Variants in LRP1 observed in about 807,000 individuals in gnomAD.
LRP1 encodes the protein LDL receptor related protein 1.
LRP1 carries 51 observed loss-of-function variants against 541.5 expected under a neutral mutation model. That is an observed-to-expected ratio of 0.09 (90% CI 0.08 to 0.12). The LOEUF (loss-of-function observed/expected upper bound fraction) is 0.12, where lower values mean the gene tolerates loss of function less well. LRP1 is among the 10% of genes least tolerant of loss of function. LRP1 has a pLI of 1.00. For missense variants in LRP1, 3,878 were observed against 6,376.2 expected, an observed-to-expected ratio of 0.61 and a Z score of 13.34; for synonymous variants, 2,219 against 2,470.8, an observed-to-expected ratio of 0.90 and a Z score of 3.02.
At chr12:57,143,542 T>C in intron 3 of LRP1, 137 bp from the exon 4 acceptor site, 1 of 1,070,610 alleles carries the variant, frequency 9.3e-7, no homozygotes, top group Non-Finnish European at 1.3e-6. Context: ...AGATGCTTCC[T>C]AAGGCCCTTC....
At chr12:57,174,361 C>T (rs982206190) in intron 22 of LRP1, among the ~76,000 whole-genome samples, 3 of 152,112 alleles carry the variant, frequency 2.0e-5, no homozygotes, top group Admixed American at 2.0e-4. Flanking sequence ...CAGAGAGATG[C>T]GGAGTGCTCT....
chr12:57,195,297 T>G lies in LRP1; in HGVS notation c.8335T>G (p.Phe2779Val). 2 of 1,613,966 alleles carry G rather than the reference T, an allele frequency of 1.2e-6. No individual in the cohort carries two copies. Among genetic ancestry groups the G allele is most frequent in the Non-Finnish European group, 1.7e-6 (2 of 1,180,014 alleles). ...CEGKTCGPSS[F>V]SCPGTHVCVP... ...AGGCAAGACGTGCGGCCCCTCCTCC[T>G]TCTCCTGCCCTGGCACCCACGTGTG... Residue 2779 changes from phenylalanine to valine, a missense_variant, in exon 52 of 89, where the codon TTC becomes GTC. Around this residue, in one of 13 missense-constraint regions of LRP1, gnomAD observed 1,100 missense variants for 1,827.4 expected, o/e 0.60. Coordinates refer to ENST00000243077, the MANE Select transcript of LRP1 (RefSeq NM_002332.3).
rs962642425 is a variant in LRP1 at position 57,189,188 on chromosome 12, G to A, written c.7032-1617G>A. Among the ~76,000 whole-genome samples, 3 of 152,182 alleles carry A rather than the reference G, an allele frequency of 2.0e-5. No homozygotes were observed. The highest frequency in any genetic ancestry group is 7.2e-5 in the African/African-American group (3 of 41,446). ...CCTCCTGCCCCATTCCTGGGAAGCA[G>A]GTTCACCCAGACCACAGTTGTGTCA... On this transcript the variant is annotated intron_variant, in intron 42 of 88. Coordinates refer to ENST00000243077, the MANE Select transcript of LRP1 (RefSeq NM_002332.3). This position sits in a 1 kb window ranked among gnomAD's most constrained non-coding sequence, Gnocchi z 4.4.
chr12:57,201,304 AATC>A lies in LRP1; in HGVS notation c.10345+157_10345+159del. 3.6e-6 allele frequency: 5 copies of A among 1,397,054 alleles called. No individual in the cohort carries two copies. The South Asian group carries it at 6.8e-5, about 19-fold the overall frequency. 86.5% of individuals were successfully genotyped at this position (1,397,054 alleles called of 1,614,324 possible). On this transcript the variant is annotated intron_variant, in intron 65 of 88. Transcript: ENST00000243077. This position sits in a 1 kb window ranked among gnomAD's most constrained non-coding sequence, Gnocchi z 6.4. ...GGGTGTAACTTGCTTTGCTCATAAA[AATC>A]ATCATGCATGATATAGAGACATAGA...
At chr12:57,143,101 T>G (rs970839214) in intron 3 of LRP1, among the ~76,000 whole-genome samples, 4 of 152,128 alleles carry the variant, frequency 2.6e-5, no homozygotes, top group African/African-American at 9.7e-5. Flanking sequence ...AGTGGGTCAG[T>G]GGCAGGAGAA....
Position 57,205,658 on chromosome 12 carries a change from C to T in LRP1, c.11571C>T (p.His3857=), listed in dbSNP as rs1256599810. 8.1e-6 allele frequency: 13 copies of T among 1,612,200 alleles called. No individual in the cohort carries two copies. The highest frequency in any genetic ancestry group is 1.3e-5 in the African/African-American group (1 of 74,948). The part of the protein sequence containing the change: ...CSCARNFMKT[H]NTCKAEGSEY... ...GCGCTCGGAACTTCATGAAGACGCA[C>T]AACACCTGCAAGGCCGAAGGTGCCG... The change falls in exon 75 of 89, where the codon CAC becomes CAT. Residue 3857 remains histidine, a synonymous_variant. Coordinates refer to ENST00000243077, the MANE Select transcript of LRP1 (RefSeq NM_002332.3). This position sits in a 1 kb window ranked among gnomAD's most constrained non-coding sequence, Gnocchi z 4.6.
intron 10 of LRP1, among the ~76,000 whole-genome samples, chr12:57,157,568 G>A (rs910796238): frequency 2.0e-5 from 3 of 152,302 alleles, no homozygotes; most frequent in African/African-American, 4.8e-5. Flanking sequence ...CTGAGATGGC[G>A]CTACCACACT....
chr12:57,143,780 G>C lies in LRP1; in HGVS notation c.430G>C (p.Asp144His), dbSNP rs1477459656. The C allele has an allele frequency of 6.2e-7, 1 of 1,614,038 alleles. No homozygotes were observed. The highest frequency in any genetic ancestry group is 8.5e-7 in the Non-Finnish European group (1 of 1,179,934). The change falls in exon 4 of 89, where the codon GAT becomes CAT. Residue 144 changes from aspartate to histidine, a missense_variant. Asp to His is a moderately conservative substitution (Grantham distance 81). Coordinates refer to ENST00000243077, the MANE Select transcript of LRP1 (RefSeq NM_002332.3). ...YCNSSFQLQA[D>H]GKTCKDFDEC... ...CAACAGCAGCTTTCAGCTTCAGGCAGATGGCAAGACCTGCAAAGGTATGTG... is the reference window on the plus strand; with the variant it reads ...CAACAGCAGCTTTCAGCTTCAGGCACATGGCAAGACCTGCAAAGGTATGTG...
chr12:57,163,641 G>GA (rs1296355447), intron 15 of LRP1, among the ~76,000 whole-genome samples: 3 of 151,882 alleles, frequency 2.0e-5, no homozygotes, highest in African/African-American at 4.8e-5. Flanking sequence ...TTAGAGAGGA[G>GA]AAAAAAGCCC....
chr12:57,209,894 G>A (rs2036869020), intron 80 of LRP1, 26 bp downstream of exon 80: 1 of 1,609,470 alleles, frequency 6.2e-7, no homozygotes, highest in African/African-American at 1.3e-5. Flanking sequence ...AGCCTGGGCT[G>A]GGGAAGGGAG....
intron 1 of LRP1, among the ~76,000 whole-genome samples, chr12:57,132,962 C>T (rs1190402285): frequency 6.6e-6 from 1 of 152,200 alleles, no homozygotes; most frequent in Non-Finnish European, 1.5e-5. Flanking sequence ...CTCCGACTTC[C>T]TCTTTCTTCT....
In LRP1 at chr12:57,187,472, G is replaced by A. The variant is rs1465091481; in HGVS notation, c.7031+16G>A. ...AGTGCCAGAAGTGAGCTGCTGCCTG[G>A]GGATGGGGGTAGCAGGGAGAGGTGG... is the stretch of plus-strand genomic sequence containing the variant. On this transcript the variant is annotated intron_variant, in intron 42 of 88. Coordinates refer to ENST00000243077, the MANE Select transcript of LRP1 (RefSeq NM_002332.3). 5 of 1,608,008 alleles carry A rather than the reference G, an allele frequency of 3.1e-6. No individual in the cohort carries two copies. In the South Asian group the frequency reaches 5.5e-5, roughly 18 times the overall value.
At position 57,178,682 on chromosome 12, in the gene LRP1, G is replaced by A. The variant is rs1290118285; in HGVS notation, c.4606+79G>A. On this transcript the variant is annotated intron_variant, in intron 27 of 88. Transcript: ENST00000243077. The surrounding 1 kb of genome is among the most constrained non-coding windows in gnomAD (Gnocchi z 5.8). ...AGCTGTAGAAGCTCTTAGGAGAGGA[G>A]AGGGCAGTGAGAACAGGAGCAAGTC... is the stretch of plus-strand genomic sequence containing the variant. 1.3e-5 allele frequency: 21 copies of A among 1,591,144 alleles called. No individual in the cohort carries two copies. Among genetic ancestry groups the A allele is most frequent in the Non-Finnish European group, 2.6e-6 (3 of 1,167,188 alleles).
At chr12:57,202,607 C>A in intron 68 of LRP1, 70 bp downstream of exon 68, 2 of 1,273,238 alleles carry the variant, frequency 1.6e-6, no homozygotes, top group Non-Finnish European at 2.2e-6. Flanking sequence ...GGCCCTCCTG[C>A]CACAGGCCGC....
rs1315107485 is a variant in LRP1 at position 57,209,201 on chromosome 12, T to C, written c.12262+2T>C. The stretch of plus-strand genomic sequence containing the variant: ...TTGTGGCTGCTGACAGCAAACGAGG[T>C]CAGAGCCCGGCATAAGTCGCAGTCC... On this transcript the variant is annotated splice_donor_variant, in intron 79 of 88. Coordinates refer to ENST00000243077, the MANE Select transcript of LRP1 (RefSeq NM_002332.3). LOFTEE classifies it high-confidence loss of function. The C allele has an allele frequency of 6.2e-7, 1 of 1,612,296 alleles. No individual in the cohort carries two copies.
intron 11 of LRP1, 68 bp from the exon 12 acceptor site, chr12:57,159,757 G>GT: frequency 6.5e-7 from 1 of 1,537,792 alleles, no homozygotes; most frequent in Non-Finnish European, 9.0e-7. Context: ...GAGTCCGGGA[G>GT]GGCCAGAGGC....
Position 57,209,244 on chromosome 12 carries a change from C to A in LRP1, c.12262+45C>A. The A allele has an allele frequency of 1.3e-6, 2 of 1,492,324 alleles. 1 individual carries two copies. The allele number at this position is 1,492,324 out of a possible 1,614,324, so 92.4% of individuals were successfully genotyped here. A position where few individuals can be genotyped will look rare whatever the true frequency, so the allele number is the denominator to read the frequency against. ...CGCAGTCCCCAGCCCTGTCCCCAGC[C>A]TTGCCATCCTCCCTACTGAGCCAAA... is the stretch of plus-strand genomic sequence containing the variant. On this transcript the variant is annotated intron_variant, in intron 79 of 88. Transcript: ENST00000243077.
intron 6 of LRP1, chr12:57,146,649 G>A (rs1400916908): frequency 1.3e-5 from 2 of 152,348 alleles, no homozygotes; most frequent in East Asian, 3.9e-4. Flanking sequence ...CTCAGCGTAA[G>A]GTTCACATTT....
chr12:57,156,102 C>A lies in LRP1; in HGVS notation c.1236C>A (p.His412Gln), dbSNP rs775542853. Residue 412 changes from histidine to glutamine, a missense_variant, in exon 9 of 89, where the codon CAC becomes CAA. Transcript: ENST00000243077. This position sits in a 1 kb window ranked among gnomAD's most constrained non-coding sequence, Gnocchi z 5.2. ...QTIIQGILIE[H>Q]LYGLTVFENY... ...TTGCCTGCCCGTCTCAGATTGAGCA[C>A]CTGTACGGCCTGACTGTGTTTGAGA... is the stretch of plus-strand genomic sequence containing the variant. 1.9e-6 allele frequency: 3 copies of A among 1,613,794 alleles called. No individual in the cohort carries two copies. Among genetic ancestry groups the A allele is most frequent in the Non-Finnish European group, 2.5e-6 (3 of 1,179,872 alleles).
Sources: gnomAD v4.1 joint callset for allele counts (sites outside exome capture counted in the v4.1 genomes callset) on GRCh38, gnomAD v4.1.1 for gene constraint, gnomAD v4.1.1 regional missense constraint, Gnocchi (gnomAD v3.1) non-coding constraint, MANE v1.5 for transcripts, NCBI Gene and HGNC (gene_info 2026-07-23, HGNC 2026-07-21) for gene names.